Variants in PLCG2 observed in about 807,000 individuals in gnomAD.
PLCG2 encodes the protein 1-phosphatidylinositol 4,5-bisphosphate phosphodiesterase gamma-2.
PLCG2 carries 69 observed loss-of-function variants against 175.6 expected under a neutral mutation model. The ratio of observed to expected loss-of-function variants is 0.39; its 90% CI spans 0.32 to 0.48. PLCG2 has a LOEUF of 0.48. PLCG2 is among the 20% of genes least tolerant of loss of function. PLCG2 has a pLI of 0.91. For synonymous variants in PLCG2, 827 were observed against 624.0 expected (o/e 1.33, Z -4.85); for missense variants, 1,798 against 1,650.9 (o/e 1.09, Z -1.54).
intron 31 of PLCG2, among the ~76,000 whole-genome samples, chr16:81,949,665 T>A (rs1299946503): frequency 6.6e-6 from 1 of 152,148 alleles, no homozygotes; most frequent in Non-Finnish European, 1.5e-5. Flanking sequence ...GGGAAACCAG[T>A]GAATAATTAA....
chr16:81,819,042 A>G (rs1904678903), intron 2 of PLCG2, among the ~76,000 whole-genome samples: 1 of 152,072 alleles, frequency 6.6e-6, no homozygotes, highest in African/African-American at 2.4e-5. Flanking sequence ...CAATTTGCAG[A>G]GGAAGCTGAG....
At chr16:81,859,531 C>T (rs1256339292) in intron 5 of PLCG2, among the ~76,000 whole-genome samples, 2 of 150,456 alleles carry the variant, frequency 1.3e-5, no homozygotes. Flanking sequence ...AGAAGTAAAC[C>T]AGGTGGTTCT....
intron 2 of PLCG2, among the ~76,000 whole-genome samples, chr16:81,817,406 A>G (rs1904598880): frequency 6.6e-6 from 1 of 152,232 alleles, no homozygotes; most frequent in African/African-American, 2.4e-5. Flanking sequence ...TATTACTATT[A>G]TTATTTTTGA....
At chr16:81,897,827 G>C (rs574471476) in intron 13 of PLCG2, 2 of 455,886 alleles carry the variant, frequency 4.4e-6, no homozygotes, top group Non-Finnish European at 8.8e-6. Flanking sequence ...TTATGGGCAT[G>C]AGCCACCGTG....
intron 7 of PLCG2, among the ~76,000 whole-genome samples, chr16:81,872,531 C>G (rs1408259263): frequency 6.6e-6 from 1 of 152,138 alleles, no homozygotes; most frequent in Non-Finnish European, 1.5e-5. Context: ...TAACATGTTA[C>G]CTTTGCAATA....
At chr16:81,889,059 A>T (rs1011675117) in intron 9 of PLCG2, 113 bp from the exon 10 acceptor site, 1 of 641,194 alleles carries the variant, frequency 1.6e-6, no homozygotes, top group Non-Finnish European at 2.8e-6. Flanking sequence ...TTGCAAGTGA[A>T]TTCGGAATTG....
At chr16:81,866,061 C>T (rs1369478042) in intron 5 of PLCG2, among the ~76,000 whole-genome samples, 1 of 134,392 alleles carries the variant, frequency 7.4e-6, no homozygotes, top group Non-Finnish European at 1.6e-5. Flanking sequence ...ACGCTGGCCT[C>T]TCCCTTGCTC....
chr16:81,828,556 T>TCTGTG (rs1905137760), intron 2 of PLCG2, among the ~76,000 whole-genome samples: 1 of 152,128 alleles, frequency 6.6e-6, no homozygotes, highest in African/African-American at 2.4e-5. Flanking sequence ...TCATTTTTAT[T>TCTGTG]CTGTGCTGTG....
At chr16:81,805,767 GTTT>G (rs766609754) in intron 2 of PLCG2, among the ~76,000 whole-genome samples, 19 of 39,520 alleles carry the variant, frequency 4.8e-4, no homozygotes, top group Non-Finnish European at 9.1e-4. Flanking sequence ...GTTTTGTTTT[GTTT>G]TTTTTTTTTT....
intron 1 of PLCG2, among the ~76,000 whole-genome samples, chr16:81,742,989 A>G (rs920809974): frequency 2.0e-5 from 3 of 152,156 alleles, no homozygotes; most frequent in African/African-American, 4.8e-5. Flanking sequence ...CAGTTCACCT[A>G]TTATGTTTTA....
intron 5 of PLCG2, among the ~76,000 whole-genome samples, chr16:81,861,789 G>T (rs933349913): frequency 3.3e-5 from 5 of 152,212 alleles, no homozygotes; most frequent in Non-Finnish European, 7.3e-5. Context: ...GGCCAATCTG[G>T]CTCTGAAGTC....
rs1222835281 is a variant in PLCG2, at chr16:81,958,523, TTAAC to T, written c.*528_*531del. ...GGCAGCCTGCTCAGTTCAATGTACTTTAACTACCACCGGCTGCCTGCTGCAGTCC... is the reference window on the plus strand; with the variant it reads ...GGCAGCCTGCTCAGTTCAATGTACTTTACCACCGGCTGCCTGCTGCAGTCC... On this transcript the variant is annotated 3_prime_UTR_variant, in exon 33 of 33. Coordinates refer to ENST00000564138, the MANE Select transcript of PLCG2 (RefSeq NM_002661.5). The T allele has an allele frequency of 8.6e-6, 2 of 231,812 alleles. No individual in the cohort carries two copies. Among genetic ancestry groups the T allele is most frequent in the African/African-American group, 2.2e-5 (1 of 45,194 alleles). 14.4% of individuals were successfully genotyped at this position (231,812 alleles called of 1,614,324 possible).
chr16:81,848,516 C>T (rs1024106415), intron 2 of PLCG2, among the ~76,000 whole-genome samples: 1 of 152,122 alleles, frequency 6.6e-6, no homozygotes, highest in Non-Finnish European at 1.5e-5. Flanking sequence ...CATTTCTCTC[C>T]CTCCTTGTCT....
chr16:81,768,521 A>C (rs1435073729), intron 2 of PLCG2, among the ~76,000 whole-genome samples: 2 of 146,900 alleles, frequency 1.4e-5, no homozygotes, highest in African/African-American at 5.1e-5. Context: ...CAGTGGATCC[A>C]CATCCTCACC....
At chr16:81,853,360 AC>A (rs1454250165) in intron 2 of PLCG2, among the ~76,000 whole-genome samples, 1 of 151,510 alleles carries the variant, frequency 6.6e-6, no homozygotes, top group Non-Finnish European at 1.5e-5. Flanking sequence ...ACAAAAAAAA[AC>A]CATTAGACCC....
intron 1 of PLCG2, among the ~76,000 whole-genome samples, chr16:81,783,892 C>T (rs1042262243): frequency 2.0e-5 from 3 of 152,180 alleles, no homozygotes; most frequent in South Asian, 2.1e-4. Flanking sequence ...AAGCCAGTTC[C>T]TCCTGCTTCA....
In PLCG2 at chr16:81,889,435, T is replaced by C. The variant is rs905775783; in HGVS notation, c.867+162T>C. The C allele has an allele frequency of 3.5e-5, 20 of 567,072 alleles. No homozygotes were observed. The East Asian group carries it at 5.8e-4, about 16-fold the overall frequency. 35.1% of individuals were successfully genotyped at this position (567,072 alleles called of 1,614,324 possible). A position where few individuals can be genotyped will look rare whatever the true frequency, so the allele number is the denominator to read the frequency against. ...ATTGTTTCTTTTCTTTTCTTTTCTT[T>C]TTTCTCCCAGGTTCTAGATTACTGT... On this transcript the variant is annotated intron_variant, in intron 10 of 32. Coordinates refer to ENST00000564138, the MANE Select transcript of PLCG2 (RefSeq NM_002661.5).
intron 2 of PLCG2, among the ~76,000 whole-genome samples, chr16:81,765,676 G>A (rs544202150): frequency 2.0e-5 from 1 of 50,772 alleles, no homozygotes; most frequent in South Asian, 6.2e-4. Context: ...TTTTGACCCC[G>A]GGGTCTCAGA....
At chr16:81,791,796 C>T (rs1262634841) in intron 2 of PLCG2, among the ~76,000 whole-genome samples, 1 of 152,148 alleles carries the variant, frequency 6.6e-6, no homozygotes, top group Non-Finnish European at 1.5e-5. Context: ...AGCTCCTGAC[C>T]TCTCGTGATC....
Sources: gnomAD v4.1 joint callset for allele counts (sites outside exome capture counted in the v4.1 genomes callset) on GRCh38, gnomAD v4.1.1 for gene constraint, MANE v1.5 for transcripts, NCBI Gene and HGNC (gene_info 2026-07-23, HGNC 2026-07-21) for gene names.